The following CPT1A variants were observed in gnomAD, a reference collection of about 807,000 sequenced individuals.
CPT1A encodes the protein carnitine palmitoyltransferase 1A.
A neutral mutation model predicts 100.8 loss-of-function variants in CPT1A; 64 were observed. The ratio of observed to expected loss-of-function variants is 0.63; its 90% CI spans 0.52 to 0.78. The LOEUF (loss-of-function observed/expected upper bound fraction) is 0.78, where lower values mean the gene tolerates loss of function less well. Among genes scored for constraint, CPT1A ranks in the 30% least tolerant of loss-of-function variants. CPT1A has a pLI of 0.00. For missense variants in CPT1A, 802 were observed against 1,034.1 expected (o/e 0.78, Z 3.08); for synonymous variants, 363 against 396.0 (o/e 0.92, Z 0.99).
At chr11:68,777,593 C>T (rs755822318) in intron 12 of CPT1A, among the ~76,000 whole-genome samples, 2 of 152,214 alleles carry the variant, frequency 1.3e-5, no homozygotes, top group Non-Finnish European at 2.9e-5. Flanking sequence ...GGAGTCAGGC[C>T]ATCCTGTCTG....
At chr11:68,783,927 T>C (rs1013465268) in intron 10 of CPT1A, among the ~76,000 whole-genome samples, 1 of 152,214 alleles carries the variant, frequency 6.6e-6, no homozygotes, top group African/African-American at 2.4e-5. Flanking sequence ...TGGAGTGCAG[T>C]GCCTTGATCA....
At chr11:68,792,891 A>T (rs1442832828) in intron 9 of CPT1A, among the ~76,000 whole-genome samples, 1 of 152,196 alleles carries the variant, frequency 6.6e-6, no homozygotes, top group Non-Finnish European at 1.5e-5. Flanking sequence ...TCTATAAAAA[A>T]TGCAAAAATT....
intron 7 of CPT1A, among the ~76,000 whole-genome samples, chr11:68,795,944 A>C (rs1594346646): frequency 6.6e-6 from 1 of 152,200 alleles, no homozygotes; most frequent in African/African-American, 2.4e-5. Context: ...AATGATTAAA[A>C]AATAAACGAG....
intron 14 of CPT1A, among the ~76,000 whole-genome samples, chr11:68,765,081 G>A (rs944306924): frequency 3.9e-5 from 6 of 152,256 alleles, no homozygotes; most frequent in African/African-American, 1.4e-4. Context: ...TAGCAAACGC[G>A]CCTTTCAGAG....
chr11:68,801,423 A>G (rs943751006), intron 5 of CPT1A, among the ~76,000 whole-genome samples: 1 of 152,058 alleles, frequency 6.6e-6, no homozygotes, highest in African/African-American at 2.4e-5. Context: ...TGAGGTCAGG[A>G]GCTCGAGACC....
At chr11:68,818,126 C>T (rs534445456) in intron 1 of CPT1A, among the ~76,000 whole-genome samples, 3 of 152,248 alleles carry the variant, frequency 2.0e-5, no homozygotes, top group South Asian at 4.1e-4. Flanking sequence ...AGGCTGTCTT[C>T]CAGGAAGGTG....
At chr11:68,796,690 A>G (rs2153999998) in intron 7 of CPT1A, among the ~76,000 whole-genome samples, 166 bp downstream of exon 7, 1 of 152,318 alleles carries the variant, frequency 6.6e-6, no homozygotes, top group Non-Finnish European at 1.5e-5. Flanking sequence ...CTAACACTGA[A>G]GGGTACTCAT....
chr11:68,827,105 G>A (rs1404400334), intron 1 of CPT1A, among the ~76,000 whole-genome samples: 1 of 152,142 alleles, frequency 6.6e-6, no homozygotes, highest in Non-Finnish European at 1.5e-5. Context: ...AGGCCAAGGC[G>A]GGCAGATCGC....
intron 1 of CPT1A, among the ~76,000 whole-genome samples, chr11:68,822,809 T>C (rs1273702974): frequency 6.6e-6 from 1 of 152,198 alleles, no homozygotes; most frequent in Non-Finnish European, 1.5e-5. Flanking sequence ...GAAGACGTGA[T>C]GCTGAGTGAA....
Position 68,757,400 on chromosome 11 carries a change from G to T in CPT1A, c.*244C>A. 7.2e-7 allele frequency: 1 copy of T among 1,388,696 alleles called. No individual in the cohort carries two copies. The highest frequency in any genetic ancestry group is 9.3e-7 in the Non-Finnish European group (1 of 1,072,716). 86.0% of individuals were successfully genotyped at this position (1,388,696 alleles called of 1,614,324 possible). ...TCCCTTAATAAATCCAAGCCGATGC[G>T]GAGACATCAGGGGAGACTTTATCAG... On this transcript the variant is annotated 3_prime_UTR_variant, in exon 19 of 19. Coordinates refer to ENST00000265641, the MANE Select transcript of CPT1A (RefSeq NM_001876.4).
chr11:68,807,474 A>G lies in CPT1A; in HGVS notation c.446T>C (p.Ile149Thr), dbSNP rs773322250. Residue 149 changes from isoleucine (I) to threonine (T), a missense_variant, in exon 4 of 19, where the codon ATC becomes ACC. Ile to Thr is a moderately conservative substitution (Grantham distance 89). Around this residue, in one of 4 missense-constraint regions of CPT1A, gnomAD observed 161 missense variants for 183.7 expected, o/e 0.88. Transcript: ENST00000265641. ...AGAGGGACACGCAATTACCATCCAG[A>G]TCTTGGTGGCACGACTCATCTTGCC... Reference protein sequence around the residue: ...EHGKMSRATKIWMGMVKIFSG... With the variant: ...EHGKMSRATKTWMGMVKIFSG... 9.9e-6 allele frequency: 16 copies of G among 1,613,964 alleles called. 1 individual carries two copies. In the South Asian group the frequency reaches 1.6e-4, roughly 17 times the overall value.
At position 68,775,367 on chromosome 11, in the gene CPT1A, G is replaced by C; in HGVS notation, c.1524C>G (p.Ile508Met). 6.2e-7 allele frequency: 1 copy of C among 1,614,238 alleles called. No individual in the cohort carries two copies. Among genetic ancestry groups the C allele is most frequent in the Non-Finnish European group, 8.5e-7 (1 of 1,180,042 alleles). ...TGGTGGGGTACGGAATGTTCGGATT[G>C]ATGTCGCCTTTGCAGTGCCCATCCT... Reference protein sequence around the residue: ...YAEDGHCKGDINPNIPYPTRL... With the variant: ...YAEDGHCKGDMNPNIPYPTRL... The change falls in exon 13 of 19, where the codon ATC (isoleucine) becomes ATG (methionine). Residue 508 changes from isoleucine (I) to methionine (M), a missense_variant. Ile to Met is a conservative substitution (Grantham distance 10). This residue lies in a region of CPT1A where 627 missense variants were observed against 799.3 expected (regional missense o/e 0.78). Transcript: ENST00000265641.
chr11:68,758,140 C>G (rs1034641908), intron 18 of CPT1A, among the ~76,000 whole-genome samples: 1 of 152,106 alleles, frequency 6.6e-6, no homozygotes, highest in Non-Finnish European at 1.5e-5. Context: ...TGGTGGCACT[C>G]CCCTATAGTC....
chr11:68,765,594 T>C (rs1854776310), intron 14 of CPT1A, among the ~76,000 whole-genome samples: 1 of 152,200 alleles, frequency 6.6e-6, no homozygotes, highest in Non-Finnish European at 1.5e-5. Flanking sequence ...TTCAGGTTGG[T>C]AGGGCTTCCA....
At chr11:68,778,150 G>C (rs1002626986) in intron 12 of CPT1A, among the ~76,000 whole-genome samples, 2 of 151,870 alleles carry the variant, frequency 1.3e-5, no homozygotes, top group East Asian at 1.9e-4. Flanking sequence ...GGAGTGGCTG[G>C]AGGTTTTGCC....
chr11:68,819,515 T>A (rs532015100), intron 1 of CPT1A, among the ~76,000 whole-genome samples: 5 of 152,180 alleles, frequency 3.3e-5, no homozygotes, highest in African/African-American at 1.2e-4. Context: ...GCACGATTGA[T>A]AAGATCTCCT....
At chr11:68,786,623 C>A (rs781082186) in intron 9 of CPT1A, among the ~76,000 whole-genome samples, 3 of 152,188 alleles carry the variant, frequency 2.0e-5, no homozygotes, top group Non-Finnish European at 4.4e-5. Flanking sequence ...CTCCGCCTCC[C>A]GGGTTCAAGC....
intron 4 of CPT1A, among the ~76,000 whole-genome samples, chr11:68,805,024 ACT>A (rs1856003899): frequency 6.6e-6 from 1 of 152,200 alleles, no homozygotes; most frequent in Non-Finnish European, 1.5e-5. Context: ...CTGTGAACCC[ACT>A]GGAGGGAGTG....
intron 3 of CPT1A, among the ~76,000 whole-genome samples, chr11:68,809,311 C>T (rs1252611476): frequency 6.6e-6 from 1 of 151,964 alleles, no homozygotes; most frequent in East Asian, 1.9e-4. Context: ...ACTTGATTTG[C>T]AAAAATAAAA....
Sources: allele counts gnomAD v4.1 joint callset (sites outside exome capture counted in the v4.1 genomes callset), GRCh38; gene constraint gnomAD v4.1.1; regional missense constraint gnomAD v4.1.1; transcripts MANE v1.5; gene names NCBI Gene and HGNC (gene_info 2026-07-23, HGNC 2026-07-21).